KLHL32: variants seen among roughly 807,000 people sequenced by gnomAD.
The protein encoded by KLHL32 is kelch-like protein 32.
In KLHL32, 35 loss-of-function variants were observed where a neutral mutation model predicts 64.8. That is an observed-to-expected ratio of 0.54 (90% CI 0.41 to 0.72). KLHL32 has a LOEUF of 0.72. Among genes scored for constraint, KLHL32 ranks in the 30% least tolerant of loss-of-function variants. KLHL32 has a pLI of 0.00. For missense variants in KLHL32, 589 were observed against 768.5 expected (o/e 0.77, Z 2.76); for synonymous variants, 259 against 281.0 (o/e 0.92, Z 0.78).
intron 4 of KLHL32, among the ~76,000 whole-genome samples, chr6:97,056,776 C>T (rs1737661): frequency 0.15 from 22,848 of 152,108 alleles, 1,853 homozygotes; most frequent in African/African-American, 0.22. Flanking sequence ...CAGTGGGTCA[C>T]GACCATAGTC....
intron 4 of KLHL32, among the ~76,000 whole-genome samples, chr6:97,049,470 T>C (rs1177238684): frequency 6.6e-6 from 1 of 151,766 alleles, no homozygotes; most frequent in Admixed American, 6.6e-5. Context: ...CTCAGAATGG[T>C]GCATAATTTA....
chr6:97,139,372 C>G lies in KLHL32; in HGVS notation c.*90C>G, dbSNP rs905812925. Reference sequence around the variant, plus strand: ...GACTCAGTGCTCCATGCTTCCTTGTCTTGCTTTATAGGTCTTATATTCGGA... The same window carrying G: ...GACTCAGTGCTCCATGCTTCCTTGTGTTGCTTTATAGGTCTTATATTCGGA... On this transcript the variant is annotated 3_prime_UTR_variant, in exon 11 of 11. Transcript: ENST00000369261. The G allele has an allele frequency of 2.6e-6, 3 of 1,158,742 alleles. No homozygotes were observed. Among genetic ancestry groups the G allele is most frequent in the Non-Finnish European group, 3.7e-6 (3 of 815,136 alleles). The allele number at this position is 1,158,742 out of a possible 1,614,324, so 71.8% of individuals were successfully genotyped here.
chr6:96,917,230 C>T, the KLHL32 span, among the ~76,000 whole-genome samples: 2 of 152,166 alleles, frequency 1.3e-5, no homozygotes, highest in South Asian at 2.1e-4. Flanking sequence ...TGGAGCTGGA[C>T]TTAGGATAAC....
intron 6 of KLHL32, among the ~76,000 whole-genome samples, chr6:97,101,116 T>C (rs192357724): frequency 2.7e-4 from 41 of 152,080 alleles, no homozygotes; most frequent in African/African-American, 6.7e-4. Flanking sequence ...CCAAGCTCAT[T>C]ATTCTTGAAT....
chr6:97,109,156 C>T (rs908086796), intron 6 of KLHL32, among the ~76,000 whole-genome samples: 1 of 152,176 alleles, frequency 6.6e-6, no homozygotes, highest in African/African-American at 2.4e-5. Context: ...ACATTTTGAC[C>T]AGAAACCCCC....
intron 1 of KLHL32, among the ~76,000 whole-genome samples, chr6:96,936,722 C>T (rs1424569115): frequency 6.6e-6 from 1 of 152,184 alleles, no homozygotes; most frequent in Non-Finnish European, 1.5e-5. Flanking sequence ...CTGAATGAGG[C>T]TATATTTCTT....
At position 97,048,678 on chromosome 6, in the gene KLHL32, C is replaced by A. The variant is rs185508022; in HGVS notation, c.312+7079C>A. On this transcript the variant is annotated intron_variant, in intron 4 of 10. Coordinates refer to ENST00000369261, the MANE Select transcript of KLHL32 (RefSeq NM_052904.4). Reference sequence around the variant, plus strand: ...ATCATTGAAACTGTATTCCCCACAGCAGAATACTTTTCTCGGGAGACCTGA... The same window carrying A: ...ATCATTGAAACTGTATTCCCCACAGAAGAATACTTTTCTCGGGAGACCTGA... 2.1e-3 allele frequency among the ~76,000 whole-genome samples: 321 copies of A among 152,228 alleles called. 3 individuals are homozygous for A. Among genetic ancestry groups the A allele is most frequent in the African/African-American group, 7.4e-3 (307 of 41,518 alleles).
Position 97,020,438 on chromosome 6 carries a change from T to C in KLHL32, c.205-21054T>C, listed in dbSNP as rs561838012. Among the ~76,000 whole-genome samples, 5 of 151,020 alleles carry C rather than the reference T, an allele frequency of 3.3e-5. No homozygotes were observed. In the South Asian group the frequency reaches 1.0e-3, roughly 31 times the overall value. ...GTAACAAGTTTATAGAAAAATGTAA[T>C]TATCAAAAGTGGGCCTATTTTGTTG... On this transcript the variant is annotated intron_variant, in intron 3 of 10. Transcript: ENST00000369261.
Position 97,139,416 on chromosome 6 carries a change from G to GAAC in KLHL32, c.*137_*139dup. ...ATTCGGATAAATTTAAGCAAAAAAT[G>GAAC]AACAATTTTCTAAAATACGTTATTG... is the stretch of plus-strand genomic sequence containing the variant. On this transcript the variant is annotated 3_prime_UTR_variant, in exon 11 of 11. Transcript: ENST00000369261. 1.3e-6 allele frequency: 1 copy of GAAC among 769,346 alleles called. No individual in the cohort carries two copies. The highest frequency in any genetic ancestry group is 2.0e-6 in the Non-Finnish European group (1 of 490,560). 47.7% of individuals were successfully genotyped at this position (769,346 alleles called of 1,614,324 possible).
intron 1 of KLHL32, among the ~76,000 whole-genome samples, chr6:96,960,275 C>G (rs570034688): frequency 6.6e-6 from 1 of 152,276 alleles, no homozygotes; most frequent in African/African-American, 2.4e-5. Flanking sequence ...AAGAGGAGGA[C>G]TAGCATTTTC....
intron 5 of KLHL32, among the ~76,000 whole-genome samples, chr6:97,079,792 G>T (rs1415469063): frequency 6.6e-6 from 1 of 151,896 alleles, no homozygotes; most frequent in Admixed American, 6.6e-5. Flanking sequence ...GAACAACAAT[G>T]TATGCACCAT....
intron 6 of KLHL32, 61 bp from the exon 7 acceptor site, chr6:97,113,722 G>A (rs1797480861): frequency 6.4e-7 from 1 of 1,569,276 alleles, no homozygotes; most frequent in East Asian, 2.3e-5. Context: ...CCTATATGCT[G>A]TTGCTTTCTC....
chr6:96,942,741 GA>G (rs781435292), intron 1 of KLHL32, among the ~76,000 whole-genome samples: 3 of 151,612 alleles, frequency 2.0e-5, no homozygotes, highest in Non-Finnish European at 4.4e-5. Flanking sequence ...GAAGAAGAGA[GA>G]GGGGAGAAAG....
intron 4 of KLHL32, among the ~76,000 whole-genome samples, chr6:97,043,199 T>A (rs577802952): frequency 6.6e-6 from 1 of 152,296 alleles, no homozygotes; most frequent in African/African-American, 2.4e-5. Flanking sequence ...TATTCCTTTA[T>A]AACAACTCCA....
chr6:97,045,773 A>G (rs1459070444), intron 4 of KLHL32, among the ~76,000 whole-genome samples: 2 of 152,224 alleles, frequency 1.3e-5, no homozygotes, highest in East Asian at 1.9e-4. Flanking sequence ...CAAAGGATCT[A>G]TGAAATGTGA....
At chr6:97,092,733 G>A (rs766335480) in intron 6 of KLHL32, among the ~76,000 whole-genome samples, 27 of 152,088 alleles carry the variant, frequency 1.8e-4, no homozygotes, top group Non-Finnish European at 3.2e-4. Context: ...CCTCTGTGAG[G>A]GTGCATCCCA....
At chr6:97,035,041 G>A (rs1204382654) in intron 3 of KLHL32, among the ~76,000 whole-genome samples, 1 of 151,926 alleles carries the variant, frequency 6.6e-6, no homozygotes, top group Admixed American at 6.6e-5. Context: ...TTGAATAAAA[G>A]CGGTCTCTCG....
chr6:96,949,207 C>T (rs1012866226), intron 1 of KLHL32, among the ~76,000 whole-genome samples: 7 of 152,164 alleles, frequency 4.6e-5, no homozygotes, highest in African/African-American at 1.4e-4. Flanking sequence ...ACTGTGTCTT[C>T]TAAAGGTAAT....
At chr6:96,946,548 G>A (rs1419057092) in intron 1 of KLHL32, among the ~76,000 whole-genome samples, 2 of 152,150 alleles carry the variant, frequency 1.3e-5, no homozygotes, top group African/African-American at 2.4e-5. Context: ...TCACTGCTAT[G>A]AGCTAGGAAT....
Sources: allele counts gnomAD v4.1 joint callset (sites outside exome capture counted in the v4.1 genomes callset), GRCh38; gene constraint gnomAD v4.1.1; transcripts MANE v1.5; gene names NCBI Gene and HGNC (gene_info 2026-07-23, HGNC 2026-07-21).